Variants in UNC5C observed in about 807,000 individuals in gnomAD.
UNC5C encodes the protein unc-5 netrin receptor C, also known as netrin receptor UNC5C.
In UNC5C, 47 loss-of-function variants were observed where a neutral mutation model predicts 99.8. That is an observed-to-expected ratio of 0.47 (90% CI 0.37 to 0.60). UNC5C has a LOEUF of 0.60. Among genes scored for constraint, UNC5C ranks in the 20% least tolerant of loss-of-function variants. The probability of loss-of-function intolerance (pLI) is 0.00; values close to 1 mark genes in which losing one functional copy is unlikely to be tolerated. For synonymous variants in UNC5C, 487 were observed against 452.2 expected (o/e 1.08, Z -0.98); for missense variants, 1,062 against 1,165.9 (o/e 0.91, Z 1.30).
At chr4:95,360,685 T>A (rs1339541699) in intron 1 of UNC5C, among the ~76,000 whole-genome samples, 1 of 151,770 alleles carries the variant, frequency 6.6e-6, no homozygotes, top group Non-Finnish European at 1.5e-5. Context: ...CAGACGAGAG[T>A]GATTTGTGGA....
chr4:95,459,852 C>G (rs1056468514), intron 1 of UNC5C, among the ~76,000 whole-genome samples: 1 of 152,086 alleles, frequency 6.6e-6, no homozygotes, highest in East Asian at 1.9e-4. Flanking sequence ...AAGTTTGAAA[C>G]AAGTATTCTT....
chr4:95,427,805 G>T (rs1014977977), intron 1 of UNC5C, among the ~76,000 whole-genome samples: 1 of 151,972 alleles, frequency 6.6e-6, no homozygotes, highest in African/African-American at 2.4e-5. Flanking sequence ...TTTGAGGTAT[G>T]TTCGTATTTG....
At chr4:95,220,784 G>T (rs1193558475) in intron 7 of UNC5C, among the ~76,000 whole-genome samples, 1 of 152,106 alleles carries the variant, frequency 6.6e-6, no homozygotes, top group South Asian at 2.1e-4. Context: ...CCAGATCTGG[G>T]GGACAGAGGT....
At position 95,219,147 on chromosome 4, in the gene UNC5C, G is replaced by A; in HGVS notation, c.1467C>T (p.Thr489=). 6.2e-7 allele frequency: 1 copy of A among 1,614,096 alleles called. No individual in the cohort carries two copies. The highest frequency in any genetic ancestry group is 1.1e-5 in the South Asian group (1 of 91,086). The part of the protein sequence containing the change: ...IKVYNTSGAV[T]PQDDLSEFTS... The stretch of plus-strand genomic sequence containing the variant: ...TAAACTCAGAGAGGTCATCTTGGGG[G>A]GTGACAGCACCTGAGGTGTTGTACA... Residue 489 remains threonine (T), a synonymous_variant, in exon 9 of 16, where the codon ACC becomes ACT. Coordinates refer to ENST00000453304, the MANE Select transcript of UNC5C (RefSeq NM_003728.4).
At chr4:95,410,745 C>T (rs1231922480) in intron 1 of UNC5C, among the ~76,000 whole-genome samples, 1 of 152,120 alleles carries the variant, frequency 6.6e-6, no homozygotes, top group African/African-American at 2.4e-5. Flanking sequence ...AGATGATGGC[C>T]TTCTGCTCAG....
At chr4:95,401,743 C>T (rs901540552) in intron 1 of UNC5C, among the ~76,000 whole-genome samples, 2 of 152,110 alleles carry the variant, frequency 1.3e-5, no homozygotes, top group African/African-American at 4.8e-5. Context: ...GCCCAGAGCC[C>T]GAAGGAGGTG....
At chr4:95,437,082 C>G (rs1310494488) in intron 1 of UNC5C, among the ~76,000 whole-genome samples, 1 of 149,660 alleles carries the variant, frequency 6.7e-6, no homozygotes, top group East Asian at 1.9e-4. Context: ...CCTGACAGAG[C>G]AAATCCAAAC....
intron 14 of UNC5C, among the ~76,000 whole-genome samples, chr4:95,171,367 A>G (rs560305559): frequency 2.5e-4 from 37 of 149,790 alleles, no homozygotes; most frequent in Middle Eastern, 3.4e-3. Flanking sequence ...ATATCTCCCA[A>G]TGCTATCCCT....
intron 2 of UNC5C, among the ~76,000 whole-genome samples, chr4:95,309,097 G>C (rs1368786959): frequency 6.6e-6 from 1 of 152,006 alleles, no homozygotes; most frequent in Admixed American, 6.6e-5. Flanking sequence ...CAGACCAATG[G>C]AACAAAATAG....
Position 95,163,665 on chromosome 4 carries a change from C to G in UNC5C, c.*5569G>C, listed in dbSNP as rs991246215. ...TTTATATTTTTGTTGAAGGACAAAT[C>G]TGAAATGGTATGTTAAAAGGCTGGC... On this transcript the variant is annotated 3_prime_UTR_variant, in exon 16 of 16. Transcript: ENST00000453304. The G allele has an allele frequency of 6.6e-6, 1 of 152,146 alleles. No individual in the cohort carries two copies. The highest frequency in any genetic ancestry group is 1.9e-4 in the East Asian group (1 of 5,194). 9.4% of individuals were successfully genotyped at this position (152,146 alleles called of 1,614,324 possible).
chr4:95,199,654 G>A (rs1378056007), intron 12 of UNC5C, among the ~76,000 whole-genome samples: 1 of 152,078 alleles, frequency 6.6e-6, no homozygotes, highest in Admixed American at 6.5e-5. Context: ...GCATGTATTT[G>A]TGTGTGTTTA....
intron 3 of UNC5C, among the ~76,000 whole-genome samples, chr4:95,289,192 A>G (rs1411733242): frequency 6.6e-6 from 1 of 152,220 alleles, no homozygotes; most frequent in African/African-American, 2.4e-5. Flanking sequence ...GTACTCATTT[A>G]CATACCCACT....
intron 7 of UNC5C, among the ~76,000 whole-genome samples, chr4:95,223,463 G>T (rs979259719): frequency 6.6e-6 from 1 of 152,172 alleles, no homozygotes; most frequent in African/African-American, 2.4e-5. Flanking sequence ...TAGCACTTCC[G>T]TAGTTTGCCG....
intron 1 of UNC5C, among the ~76,000 whole-genome samples, chr4:95,380,096 A>G (rs756721789): frequency 2.0e-5 from 3 of 152,072 alleles, no homozygotes; most frequent in Non-Finnish European, 2.9e-5. Context: ...CTTTATTTTA[A>G]TGCCCTCTCT....
At chr4:95,504,405 T>C (rs1246047721) in intron 1 of UNC5C, among the ~76,000 whole-genome samples, 1 of 152,156 alleles carries the variant, frequency 6.6e-6, no homozygotes, top group Non-Finnish European at 1.5e-5. Context: ...GCAACTATCA[T>C]TTCCTCTTGA....
intron 1 of UNC5C, among the ~76,000 whole-genome samples, chr4:95,521,685 C>T (rs1161183651): frequency 6.6e-6 from 1 of 152,122 alleles, no homozygotes; most frequent in Non-Finnish European, 1.5e-5. Flanking sequence ...CAGTCCATAG[C>T]AAACATCCAT....
chr4:95,331,839 C>T (rs1237537605), intron 2 of UNC5C, among the ~76,000 whole-genome samples: 2 of 151,898 alleles, frequency 1.3e-5, no homozygotes, highest in African/African-American at 2.4e-5. Flanking sequence ...TTGTTATAAG[C>T]GTTCGATATT....
At chr4:95,289,394 A>G (rs896512186) in intron 3 of UNC5C, among the ~76,000 whole-genome samples, 1 of 152,214 alleles carries the variant, frequency 6.6e-6, no homozygotes, top group Non-Finnish European at 1.5e-5. Context: ...GAAGAGCTTC[A>G]TGTTGTTATC....
chr4:95,430,630 T>A (rs566050338), intron 1 of UNC5C, among the ~76,000 whole-genome samples: 23 of 152,284 alleles, frequency 1.5e-4, no homozygotes, highest in Admixed American at 9.2e-4. Flanking sequence ...AAGTAAGCTG[T>A]TTGAATTATT....
Sources: gnomAD v4.1 joint callset for allele counts (sites outside exome capture counted in the v4.1 genomes callset) on GRCh38, gnomAD v4.1.1 for gene constraint, MANE v1.5 for transcripts, NCBI Gene and HGNC (gene_info 2026-07-23, HGNC 2026-07-21) for gene names.